PPP1R12A: variants seen among roughly 807,000 people sequenced by gnomAD.
PPP1R12A encodes protein phosphatase 1 regulatory subunit 12A.
A neutral mutation model predicts 139.6 loss-of-function variants in PPP1R12A; 19 were observed. The observed-to-expected ratio is 0.14, with a 90% CI of 0.09 to 0.20. The LOEUF is 0.20. Among genes scored for constraint, PPP1R12A ranks in the 10% least tolerant of loss-of-function variants. The pLI is 1.00. For missense variants in PPP1R12A, 925 were observed against 1,211.5 expected, an observed-to-expected ratio of 0.76 and a Z score of 3.51; for synonymous variants, 427 against 420.6, an observed-to-expected ratio of 1.02 and a Z score of -0.19.
chr12:79,809,985 G>T lies in PPP1R12A; in HGVS notation c.1265C>A (p.Ser422Tyr), dbSNP rs2137070701. The T allele has an allele frequency of 6.2e-7, 1 of 1,612,418 alleles. No individual in the cohort carries two copies. Among genetic ancestry groups the T allele is most frequent in the Non-Finnish European group, 8.5e-7 (1 of 1,179,380 alleles). Residue 422 changes from serine (S) to tyrosine (Y), a missense_variant, in exon 10 of 25, where the codon TCT becomes TAT. Physicochemically the swap from Ser to Tyr is moderately radical, Grantham distance 144. Coordinates refer to ENST00000450142, the MANE Select transcript of PPP1R12A (RefSeq NM_002480.3). ...ATCTTTTCTCTCTTCTTCTTTGGGA[G>T]AAATTTTTGTAGCTGTGGTTGGAAA... is the stretch of plus-strand genomic sequence containing the variant. ...KKFPTTATKI[S>Y]PKEEERKDES...
At position 79,778,622 on chromosome 12, in the gene PPP1R12A, A is replaced by G. The variant is rs571786493; in HGVS notation, c.2956-22T>C. 3.8e-5 allele frequency: 54 copies of G among 1,437,546 alleles called. No homozygotes were observed. The East Asian group carries it at 9.4e-4, about 25-fold the overall frequency. 89.0% of individuals were successfully genotyped at this position (1,437,546 alleles called of 1,614,324 possible). ...GTTCCTAGATCGATTTAAGGTACCAATGTTAGTTATATAATTATTATATTC... is the reference window on the plus strand; with the variant it reads ...GTTCCTAGATCGATTTAAGGTACCAGTGTTAGTTATATAATTATTATATTC... On this transcript the variant is annotated intron_variant, in intron 23 of 24. Coordinates refer to ENST00000450142, the MANE Select transcript of PPP1R12A (RefSeq NM_002480.3).
intron 1 of PPP1R12A, among the ~76,000 whole-genome samples, chr12:79,889,677 G>A (rs1214231624): frequency 6.6e-6 from 1 of 152,140 alleles, no homozygotes; most frequent in Non-Finnish European, 1.5e-5. Flanking sequence ...ACTACAGGAA[G>A]AAAAAATTAA....
chr12:79,778,223 T>C (rs1473461706), intron 24 of PPP1R12A: 1 of 168,022 alleles, frequency 6.0e-6, no homozygotes, highest in Non-Finnish European at 1.3e-5. Context: ...GAATAAATAA[T>C]AAATCCTACA....
In PPP1R12A at chr12:79,777,622, G is replaced by A. The variant is rs1370470449; in HGVS notation, c.3006+928C>T. Reference sequence around the variant, plus strand: ...AGCAGTCGCTCATTTAACTCCCTCAGAGATTGAATTTGCTTTATTTGGTGC... The same window carrying A: ...AGCAGTCGCTCATTTAACTCCCTCAAAGATTGAATTTGCTTTATTTGGTGC... On this transcript the variant is annotated intron_variant, in intron 24 of 24. Transcript: ENST00000450142. 15 of 985,200 alleles carry A rather than the reference G, an allele frequency of 1.5e-5. No individual in the cohort carries two copies. In the East Asian group the frequency reaches 1.1e-3, roughly 75 times the overall value. The allele number at this position is 985,200 out of a possible 1,614,324, so 61.0% of individuals were successfully genotyped here.
intron 1 of PPP1R12A, among the ~76,000 whole-genome samples, chr12:79,924,914 A>G (rs1340071585): frequency 2.0e-5 from 3 of 152,240 alleles, no homozygotes; most frequent in African/African-American, 7.2e-5. Flanking sequence ...GACATTTATG[A>G]TCATATTCCA....
intron 5 of PPP1R12A, chr12:79,825,072 C>T (rs943882062): frequency 1.3e-5 from 2 of 152,078 alleles, no homozygotes; most frequent in Admixed American, 1.3e-4. Context: ...GATGAAGAAA[C>T]TCAGTCTGCG....
At chr12:79,868,719 T>C (rs1258074770) in intron 2 of PPP1R12A, among the ~76,000 whole-genome samples, 1 of 152,158 alleles carries the variant, frequency 6.6e-6, no homozygotes, top group Non-Finnish European at 1.5e-5. Flanking sequence ...TTTAACTTAA[T>C]CATCCCTTTA....
intron 1 of PPP1R12A, among the ~76,000 whole-genome samples, chr12:79,919,323 G>A (rs1221903591): frequency 6.6e-6 from 1 of 151,958 alleles, no homozygotes; most frequent in Non-Finnish European, 1.5e-5. Context: ...TTGGGAAGCT[G>A]AGGCGGGCGG....
At chr12:79,816,818 A>G (rs764906602) in intron 9 of PPP1R12A, among the ~76,000 whole-genome samples, 10 of 152,204 alleles carry the variant, frequency 6.6e-5, no homozygotes, top group Admixed American at 6.5e-4. Flanking sequence ...GCTCAAGGTC[A>G]TAACAACTAA....
intron 2 of PPP1R12A, among the ~76,000 whole-genome samples, chr12:79,871,024 T>C (rs527972936): frequency 1.3e-5 from 2 of 152,264 alleles, no homozygotes; most frequent in African/African-American, 2.4e-5. Flanking sequence ...GATGTGGATA[T>C]GTAAAACACA....
chr12:79,832,671 T>C (rs1355395148), intron 3 of PPP1R12A, 180 bp from the exon 4 acceptor site: 3 of 469,138 alleles, frequency 6.4e-6, no homozygotes, highest in Non-Finnish European at 1.1e-5. Context: ...GTAGACCTTG[T>C]ATTAACTTTT....
chr12:79,893,806 ATAAG>A (rs1177780784), intron 1 of PPP1R12A, among the ~76,000 whole-genome samples: 1 of 152,350 alleles, frequency 6.6e-6, no homozygotes, highest in East Asian at 1.9e-4. Context: ...AAATGTATAA[ATAAG>A]TGATACTCAT....
rs186547050 is a variant in PPP1R12A at position 79,920,379 on chromosome 12, A to G, written c.237+14316T>C. ...CAATTCTCTTGAGTATACACCTAAG[A>G]GTAGAACTGCTGGGTCATACGGTAA... On this transcript the variant is annotated intron_variant, in intron 1 of 24. Transcript: ENST00000450142. Among the ~76,000 whole-genome samples the G allele has an allele frequency of 2.0e-5, 3 of 152,348 alleles. No individual in the cohort carries two copies. In the East Asian group the frequency reaches 5.8e-4, roughly 29 times the overall value.
chr12:79,821,836 C>T (rs2400596), intron 6 of PPP1R12A, among the ~76,000 whole-genome samples: 119,314 of 151,774 alleles, frequency 0.79, 49,391 homozygotes, highest in Non-Finnish European at 0.92. Flanking sequence ...TTTATAGATT[C>T]CATCTTTTAA....
chr12:79,922,509 A>G (rs1453760938), intron 1 of PPP1R12A, among the ~76,000 whole-genome samples: 1 of 152,180 alleles, frequency 6.6e-6, no homozygotes, highest in Non-Finnish European at 1.5e-5. Flanking sequence ...ATACAGTCAT[A>G]AAAAAGAATG....
chr12:79,932,719 C>T (rs535330912), intron 1 of PPP1R12A, among the ~76,000 whole-genome samples: 4 of 152,016 alleles, frequency 2.6e-5, no homozygotes, highest in Non-Finnish European at 5.9e-5. Flanking sequence ...ATTCTTGTAA[C>T]GTGTGAATAT....
chr12:79,913,381 A>C (rs1360016675), intron 1 of PPP1R12A, among the ~76,000 whole-genome samples: 1 of 152,218 alleles, frequency 6.6e-6, no homozygotes. Flanking sequence ...GTATGGTATA[A>C]GGTACGGGGG....
At chr12:79,793,766 A>AT in intron 19 of PPP1R12A, 97 bp downstream of exon 19, 1 of 945,026 alleles carries the variant, frequency 1.1e-6, no homozygotes, top group Non-Finnish European at 1.6e-6. Flanking sequence ...AGAGTATGCA[A>AT]TAACTGCTTT....
In PPP1R12A at chr12:79,845,407, G is replaced by T; in HGVS notation, c.382C>A (p.Gln128Lys). The change falls in exon 3 of 25, where the codon CAA becomes AAA. Residue 128 changes from glutamine to lysine, a missense_variant. By Grantham distance (53) the Gln-to-Lys change is moderately conservative (BLOSUM62 1). Around this residue, in one of 4 missense-constraint regions of PPP1R12A, gnomAD observed 199 missense variants for 352.4 expected, o/e 0.56. Coordinates refer to ENST00000450142, the MANE Select transcript of PPP1R12A (RefSeq NM_002480.3). ...TTGACAGCCCCTACATGTGCTCCTT[G>T]ACCAATCAAAAACCTGTAAAACCAA... ...YLDIAEFLIG[Q>K]GAHVGAVNSE... is the part of the protein sequence containing the mutation. 1 of 1,610,254 alleles carries T rather than the reference G, an allele frequency of 6.2e-7. No homozygotes were observed. Among genetic ancestry groups the T allele is most frequent in the South Asian group, 1.1e-5 (1 of 90,320 alleles).
Sources: allele counts gnomAD v4.1 joint callset (sites outside exome capture counted in the v4.1 genomes callset), GRCh38; gene constraint gnomAD v4.1.1; regional missense constraint gnomAD v4.1.1; transcripts MANE v1.5; gene names NCBI Gene and HGNC (gene_info 2026-07-23, HGNC 2026-07-21).